Variants in RFX4 observed in about 807,000 individuals in gnomAD.
RFX4 encodes the protein transcription factor RFX4.
In RFX4, 10 loss-of-function variants were observed where a neutral mutation model predicts 95.0. The observed-to-expected ratio is 0.11, with a 90% CI of 0.06 to 0.18. The LOEUF is 0.18. Ranked by LOEUF, RFX4 falls within the 10% of genes least tolerant of loss-of-function variation. The pLI is 1.00. For missense variants in RFX4, 640 were observed against 922.0 expected (o/e 0.69, Z 3.96); for synonymous variants, 321 against 340.7 (o/e 0.94, Z 0.64).
intron 7 of RFX4, among the ~76,000 whole-genome samples, chr12:106,694,127 G>A (rs1451769648): frequency 6.6e-6 from 1 of 152,124 alleles, no homozygotes; most frequent in East Asian, 1.9e-4. Context: ...CCACTGTCAG[G>A]GAATAAACAG....
At chr12:106,641,232 T>G (rs1434538660) in intron 3 of RFX4, among the ~76,000 whole-genome samples, 7 of 152,218 alleles carry the variant, frequency 4.6e-5, no homozygotes, top group Admixed American at 3.9e-4. Context: ...AATGGTGCAG[T>G]CTCTGAAATC....
intron 2 of RFX4, among the ~76,000 whole-genome samples, chr12:106,626,330 T>G (rs1259586865): frequency 6.6e-6 from 1 of 152,202 alleles, no homozygotes; most frequent in Non-Finnish European, 1.5e-5. Flanking sequence ...GACATTTGCC[T>G]TGGGCCTCAA....
At position 106,586,273 on chromosome 12, in the gene RFX4, C is replaced by T. The variant is rs567443687; in HGVS notation, c.43+2910C>T. ...GTCCCGCTCGGCCCGCGCTACAGCC[C>T]CACGCCGCGCAAAAGTGGGTGCTGA... On this transcript the variant is annotated intron_variant, in intron 1 of 17. Coordinates refer to ENST00000392842, the MANE Select transcript of RFX4 (RefSeq NM_213594.3). This position sits in a 1 kb window ranked among gnomAD's most constrained non-coding sequence, Gnocchi z 5.6. 6.6e-6 allele frequency among the ~76,000 whole-genome samples: 1 copy of T among 152,164 alleles called. No homozygotes were observed. The highest frequency in any genetic ancestry group is 2.4e-5 in the African/African-American group (1 of 41,540).
chr12:106,644,851 A>G (rs1004561831), intron 3 of RFX4, among the ~76,000 whole-genome samples: 1 of 152,164 alleles, frequency 6.6e-6, no homozygotes, highest in Non-Finnish European at 1.5e-5. Flanking sequence ...CCCTCTCTCC[A>G]GCGGCAGTGG....
At chr12:106,588,946 A>G (rs2039500132) in intron 1 of RFX4, among the ~76,000 whole-genome samples, 1 of 152,174 alleles carries the variant, frequency 6.6e-6, no homozygotes, top group Non-Finnish European at 1.5e-5. Flanking sequence ...GAAGATATAA[A>G]GTGGTGACAT....
Position 106,719,970 on chromosome 12 carries a change from G to C in RFX4, c.1149G>C (p.Glu383Asp), listed in dbSNP as rs1337403002. Reference sequence around the variant, plus strand: ...TCCTTTGTTTGACAGTATATCAGGAGTTTGACCATCTCTTGGAGGAGCAGT... The same window carrying C: ...TCCTTTGTTTGACAGTATATCAGGACTTTGACCATCTCTTGGAGGAGCAGT... Reference protein sequence around the residue: ...HRKLITQLYQEFDHLLEEQSP... With the variant: ...HRKLITQLYQDFDHLLEEQSP... The change falls in exon 12 of 18, where the codon GAG (glutamate) becomes GAC (aspartate). Residue 383 changes from glutamate (E) to aspartate (D), a missense_variant. Glu to Asp is a conservative substitution (Grantham distance 45, BLOSUM62 2). This residue lies in a region of RFX4 where 72 missense variants were observed against 80.5 expected (regional missense o/e 0.89). Transcript: ENST00000392842. 6 of 1,614,028 alleles carry C rather than the reference G, an allele frequency of 3.7e-6. No individual in the cohort carries two copies. The highest frequency in any genetic ancestry group is 5.1e-6 in the Non-Finnish European group (6 of 1,179,970).
chr12:106,647,405 G>A (rs1216207210), intron 3 of RFX4, among the ~76,000 whole-genome samples: 1 of 152,148 alleles, frequency 6.6e-6, no homozygotes, highest in Non-Finnish European at 1.5e-5. Context: ...TCTTGTGGGG[G>A]TAGTGATAGC....
intron 4 of RFX4, among the ~76,000 whole-genome samples, chr12:106,661,147 A>G (rs374137046): frequency 6.6e-6 from 1 of 152,316 alleles, no homozygotes; most frequent in South Asian, 2.1e-4. Context: ...GATGATGGGC[A>G]GGTCCTTTTC....
At chr12:106,748,364 C>CACCTGAGGG (rs2042934132) in intron 16 of RFX4, among the ~76,000 whole-genome samples, 1 of 152,204 alleles carries the variant, frequency 6.6e-6, no homozygotes, top group Non-Finnish European at 1.5e-5. Context: ...AGGGCTTCCC[C>CACCTGAGGG]ACCTGAGGGC....
chr12:106,759,178 G>A (rs1202523601), intron 17 of RFX4, among the ~76,000 whole-genome samples: 2 of 152,204 alleles, frequency 1.3e-5, no homozygotes, highest in East Asian at 1.9e-4. Context: ...AAGTCTCTCC[G>A]AGGAGGTGAC....
In RFX4 at chr12:106,762,175, T is replaced by C. The variant is rs1377080211; in HGVS notation, c.*706T>C. 1 of 152,686 alleles carries C rather than the reference T, an allele frequency of 6.5e-6. No individual in the cohort carries two copies. The highest frequency in any genetic ancestry group is 1.5e-5 in the Non-Finnish European group (1 of 68,058). 9.5% of individuals were successfully genotyped at this position (152,686 alleles called of 1,614,324 possible). On this transcript the variant is annotated 3_prime_UTR_variant, in exon 18 of 18. Coordinates refer to ENST00000392842, the MANE Select transcript of RFX4 (RefSeq NM_213594.3). ...ATTGAGGTTTGTAGGAGACTGGTTCTTCTACATACAAGGATTTGTCTTAAG... is the reference window on the plus strand; with the variant it reads ...ATTGAGGTTTGTAGGAGACTGGTTCCTCTACATACAAGGATTTGTCTTAAG...
chr12:106,624,469 A>C (rs934285066), intron 2 of RFX4, among the ~76,000 whole-genome samples: 3 of 151,818 alleles, frequency 2.0e-5, no homozygotes, highest in African/African-American at 7.3e-5. Context: ...GGACTACAGG[A>C]GCGCACCACC....
chr12:106,640,335 T>C (rs905989031), intron 3 of RFX4, among the ~76,000 whole-genome samples: 3 of 152,146 alleles, frequency 2.0e-5, no homozygotes, highest in Non-Finnish European at 4.4e-5. Flanking sequence ...TCAGGAAGGA[T>C]AGAGAAGAGA....
chr12:106,733,304 G>T, intron 15 of RFX4: 1 of 444,580 alleles, frequency 2.2e-6, no homozygotes, highest in East Asian at 3.5e-5. Context: ...TAGTGATACA[G>T]TGAGACCTTG....
chr12:106,674,233 A>G (rs2041347601), intron 4 of RFX4, among the ~76,000 whole-genome samples: 1 of 152,060 alleles, frequency 6.6e-6, no homozygotes, highest in African/African-American at 2.4e-5. Context: ...ATATCCACAA[A>G]GTTCATTCTC....
At position 106,601,459 on chromosome 12, in the gene RFX4, T is replaced by C; in HGVS notation, c.44-7338T>C. On this transcript the variant is annotated intron_variant, in intron 1 of 17. Coordinates refer to ENST00000392842, the MANE Select transcript of RFX4 (RefSeq NM_213594.3). ...AGTGTGGCATGTCAACTCTTTTATG[T>C]AGCGTTTCTGGAGCTGCAATTTCCT... 4 of 1,135,880 alleles carry C rather than the reference T, an allele frequency of 3.5e-6. No homozygotes were observed. The South Asian group carries it at 6.0e-5, about 17-fold the overall frequency. 70.4% of individuals were successfully genotyped at this position (1,135,880 alleles called of 1,614,324 possible).
intron 8 of RFX4, among the ~76,000 whole-genome samples, chr12:106,698,074 G>GT (rs2041915316): frequency 6.6e-6 from 1 of 151,952 alleles, no homozygotes; most frequent in Non-Finnish European, 1.5e-5. Flanking sequence ...CCGGGTTCAA[G>GT]TGATTCTCCT....
chr12:106,696,673 C>G (rs939339758), intron 8 of RFX4, among the ~76,000 whole-genome samples: 1 of 152,160 alleles, frequency 6.6e-6, no homozygotes, highest in Admixed American at 6.5e-5. Context: ...AGATGGTGTA[C>G]AGTAAACAAT....
Position 106,761,841 on chromosome 12 carries a change from G to GACAAA in RFX4, c.*373_*374insCAAAA, listed in dbSNP as rs1338318015. On this transcript the variant is annotated 3_prime_UTR_variant, in exon 18 of 18. Transcript: ENST00000392842. ...CTGTTGACAAAATCTCTTTAGTCTT[G>GACAAA]AAGGATGGATACTGGAGACAGAATC... The GACAAA allele has an allele frequency of 1.3e-5, 2 of 153,304 alleles. No individual in the cohort carries two copies. The highest frequency in any genetic ancestry group is 4.8e-5 in the African/African-American group (2 of 41,458). 9.5% of individuals were successfully genotyped at this position (153,304 alleles called of 1,614,324 possible). A position where few individuals can be genotyped will look rare whatever the true frequency, so the allele number is the denominator to read the frequency against.
Sources: gnomAD v4.1 joint callset for allele counts (sites outside exome capture counted in the v4.1 genomes callset) on GRCh38, gnomAD v4.1.1 for gene constraint, gnomAD v4.1.1 regional missense constraint, Gnocchi (gnomAD v3.1) non-coding constraint, MANE v1.5 for transcripts, NCBI Gene and HGNC (gene_info 2026-07-23, HGNC 2026-07-21) for gene names.